Variants in EXOC6 observed in about 807,000 individuals in gnomAD.
EXOC6 encodes the protein exocyst complex component 6, also known as SEC15-like 1.
Under a neutral mutation model 112.5 loss-of-function variants are expected in EXOC6, and 60 were observed. The ratio of observed to expected loss-of-function variants is 0.53; its 90% CI spans 0.43 to 0.66. The LOEUF is 0.66. EXOC6 is among the 30% of genes least tolerant of loss of function. The pLI, the probability that EXOC6 is intolerant of heterozygous loss-of-function variation, is 0.00. For missense variants in EXOC6, 855 were observed against 957.1 expected (o/e 0.89, Z 1.41); for synonymous variants, 295 against 308.0 (o/e 0.96, Z 0.44).
At chr10:92,873,512 G>A (rs1259538363) in intron 1 of EXOC6, among the ~76,000 whole-genome samples, 2 of 152,086 alleles carry the variant, frequency 1.3e-5, no homozygotes, top group South Asian at 4.1e-4. Context: ...ATGCTTTGAA[G>A]GGTCATATAA....
chr10:92,988,800 TAC>T (rs67242778), intron 18 of EXOC6, among the ~76,000 whole-genome samples: 7,955 of 142,826 alleles, frequency 0.056, 284 homozygotes, highest in African/African-American at 0.099. Flanking sequence ...CTACAAAAAA[TAC>T]ACACACACAC....
chr10:92,894,869 T>A (rs753650681), intron 3 of EXOC6, 28 bp downstream of exon 3: 3 of 1,612,420 alleles, frequency 1.9e-6, no homozygotes, highest in Non-Finnish European at 2.5e-6. Context: ...TTCTGGGTAT[T>A]CAGTATGTAG....
At chr10:93,006,488 A>G (rs1843989260) in intron 19 of EXOC6, among the ~76,000 whole-genome samples, 1 of 152,218 alleles carries the variant, frequency 6.6e-6, no homozygotes. Context: ...TACTTTATAT[A>G]AAAATGAGGT....
chr10:93,031,510 CTT>C (rs778524287), intron 20 of EXOC6, among the ~76,000 whole-genome samples: 7 of 130,450 alleles, frequency 5.4e-5, no homozygotes, highest in African/African-American at 1.7e-4. Flanking sequence ...TTCTTTCTTT[CTT>C]TTTTTTTTTT....
At chr10:92,926,579 A>G (rs981724137) in intron 8 of EXOC6, among the ~76,000 whole-genome samples, 18 of 151,890 alleles carry the variant, frequency 1.2e-4, no homozygotes, top group African/African-American at 4.1e-4. Flanking sequence ...TGTTGCCCCA[A>G]CTGGAGTGCA....
intron 13 of EXOC6, among the ~76,000 whole-genome samples, chr10:92,947,544 TC>T (rs1853105396): frequency 6.6e-6 from 1 of 152,202 alleles, no homozygotes; most frequent in Admixed American, 6.5e-5. Context: ...GTTTTGATCT[TC>T]AAGAGTTTAT....
Position 92,934,429 on chromosome 10 carries a change from C to T in EXOC6, c.1139C>T (p.Ser380Leu). 6.4e-7 allele frequency: 1 copy of T among 1,550,426 alleles called. No individual in the cohort carries two copies. The change falls in exon 11 of 22, where the codon TCA (serine) becomes TTA (leucine). Residue 380 changes from serine (S) to leucine (L), a missense_variant and splice_region_variant. Physicochemically the swap from Ser to Leu is moderately radical, Grantham distance 145. Around this residue, in one of 2 missense-constraint regions of EXOC6, gnomAD observed 450 missense variants for 563.5 expected, o/e 0.80. Transcript: ENST00000260762. ...SKIIAVLRAH[S>L]SYCTDPDLVL... ...ATAATTGCTGTCCTTAGAGCTCATT[C>T]AGTAAGTCAGACAATTTACATTACT... is the stretch of plus-strand genomic sequence containing the variant.
At chr10:92,887,472 A>G (rs1043168147) in intron 1 of EXOC6, among the ~76,000 whole-genome samples, 1 of 135,956 alleles carries the variant, frequency 7.4e-6, no homozygotes, top group African/African-American at 2.8e-5. Context: ...ATCTAGGCTC[A>G]CTGCAACCTC....
rs1321293979 is a variant in EXOC6 at position 92,893,417 on chromosome 10, A to C, written c.170A>C (p.Asn57Thr). Residue 57 changes from asparagine to threonine, a missense_variant, in exon 2 of 22, where the codon AAT becomes ACT. Asn to Thr is a moderately conservative substitution (Grantham distance 65, BLOSUM62 0). Coordinates refer to ENST00000260762, the MANE Select transcript of EXOC6 (RefSeq NM_019053.6). The part of the protein sequence containing the change: ...FMEKLDACIR[N>T]HDKEIEKMCN... ...GAAAAGTTAGATGCTTGTATCCGTA[A>C]TCATGACAAGGAAATTGAAAAGATG... 6.2e-7 allele frequency: 1 copy of C among 1,613,208 alleles called. No homozygotes were observed. Among genetic ancestry groups the C allele is most frequent in the Non-Finnish European group, 8.5e-7 (1 of 1,179,546 alleles).
intron 5 of EXOC6, among the ~76,000 whole-genome samples, chr10:92,905,843 C>A (rs746281060): frequency 2.6e-5 from 4 of 152,068 alleles, no homozygotes; most frequent in Admixed American, 6.5e-5. Context: ...CTGTCAATGC[C>A]AATTAGATCC....
chr10:92,989,231 G>T (rs1261488617), intron 18 of EXOC6, among the ~76,000 whole-genome samples: 1 of 152,102 alleles, frequency 6.6e-6, no homozygotes, highest in Non-Finnish European at 1.5e-5. Flanking sequence ...GTGAAGAAAT[G>T]GACAACATGA....
chr10:92,832,030 G>A (rs957681578), upstream of EXOC6, among the ~76,000 whole-genome samples: 3 of 152,220 alleles, frequency 2.0e-5, no homozygotes, highest in East Asian at 5.8e-4. Context: ...TCATGAATAT[G>A]TGGCATTATT....
chr10:92,955,144 A>G (rs1361263669), intron 16 of EXOC6, among the ~76,000 whole-genome samples: 1 of 152,088 alleles, frequency 6.6e-6, no homozygotes, highest in Non-Finnish European at 1.5e-5. Context: ...ACTGCACTAC[A>G]CAGCCTGGGT....
At chr10:92,931,115 GAAAAAA>G (rs60087746) in intron 9 of EXOC6, among the ~76,000 whole-genome samples, 5 of 70,602 alleles carry the variant, frequency 7.1e-5, no homozygotes, top group African/African-American at 2.0e-4. Flanking sequence ...CATCTCAGAA[GAAAAAA>G]AAAAAAAAAA....
At chr10:92,917,831 T>C (rs1038864885) in intron 7 of EXOC6, among the ~76,000 whole-genome samples, 1 of 152,318 alleles carries the variant, frequency 6.6e-6, no homozygotes, top group East Asian at 1.9e-4. Context: ...TGAGCCACCA[T>C]GCCCGGCATC....
At chr10:92,935,739 T>G in intron 11 of EXOC6, 75 bp from the exon 12 acceptor site, 2 of 997,676 alleles carry the variant, frequency 2.0e-6, no homozygotes, top group Non-Finnish European at 3.1e-6. Context: ...AATTTCTTAT[T>G]TCTTAGTTTT....
intron 20 of EXOC6, among the ~76,000 whole-genome samples, chr10:93,031,293 T>C (rs1172808868): frequency 1.3e-5 from 2 of 152,128 alleles, no homozygotes; most frequent in Non-Finnish European, 2.9e-5. Flanking sequence ...ACATGAATCT[T>C]TTTATTAATT....
chr10:93,028,929 G>T (rs1845145864), intron 20 of EXOC6, among the ~76,000 whole-genome samples: 1 of 151,600 alleles, frequency 6.6e-6, no homozygotes, highest in Admixed American at 6.6e-5. Context: ...AATTTTGAAA[G>T]ATGTTCTACT....
intron 16 of EXOC6, 70 bp downstream of exon 16, chr10:92,954,811 C>A (rs774158073): frequency 2.9e-6 from 2 of 697,644 alleles, no homozygotes; most frequent in Admixed American, 5.3e-5. Context: ...TATTGCTGAA[C>A]GTCATTCTGT....
Sources: gnomAD v4.1 joint callset for allele counts (sites outside exome capture counted in the v4.1 genomes callset) on GRCh38, gnomAD v4.1.1 for gene constraint, gnomAD v4.1.1 regional missense constraint, MANE v1.5 for transcripts, NCBI Gene and HGNC (gene_info 2026-07-23, HGNC 2026-07-21) for gene names.